Variants in NRXN3 observed in about 807,000 individuals in gnomAD.
The protein encoded by NRXN3 is neurexin III.
In NRXN3, 32 loss-of-function variants were observed where a neutral mutation model predicts 137.6. The observed-to-expected ratio is 0.23, with a 90% CI of 0.18 to 0.31. NRXN3 has a LOEUF of 0.31. Among genes scored for constraint, NRXN3 ranks in the 10% least tolerant of loss-of-function variants. The probability of loss-of-function intolerance (pLI) is 1.00; values close to 1 mark genes in which losing one functional copy is unlikely to be tolerated. For missense variants in NRXN3, 1,574 were observed against 2,062.5 expected (o/e 0.76, Z 4.59); for synonymous variants, 798 against 784.5 (o/e 1.02, Z -0.29).
intron 4 of NRXN3, among the ~76,000 whole-genome samples, chr14:78,351,783 T>TTTTC: frequency 2.0e-5 from 1 of 49,612 alleles, no homozygotes; most frequent in South Asian, 7.9e-4. Flanking sequence ...GGTATTTTTC[T>TTTTC]TTTTTTTTTT....
chr14:78,342,188 A>G (rs570895017), intron 4 of NRXN3, among the ~76,000 whole-genome samples: 100 of 152,334 alleles, frequency 6.6e-4, no homozygotes, highest in Non-Finnish European at 5.9e-5. Context: ...CTCTCAATCA[A>G]TTCCCACAAT....
intron 20 of NRXN3, among the ~76,000 whole-genome samples, chr14:79,829,648 A>G (rs1002194183): frequency 2.6e-5 from 4 of 152,118 alleles, no homozygotes; most frequent in Admixed American, 2.6e-4. Flanking sequence ...CTAGTCCCTG[A>G]ATGTGTGTGT....
At chr14:79,520,552 T>G (rs1829125447) in intron 16 of NRXN3, among the ~76,000 whole-genome samples, 1 of 152,198 alleles carries the variant, frequency 6.6e-6, no homozygotes, top group African/African-American at 2.4e-5. Flanking sequence ...TTAGTTTCTG[T>G]TCCTGTGTTA....
At chr14:79,181,651 A>G (rs1483169659) in intron 15 of NRXN3, among the ~76,000 whole-genome samples, 1 of 148,596 alleles carries the variant, frequency 6.7e-6, no homozygotes, top group Non-Finnish European at 1.5e-5. Flanking sequence ...ACTGCATTCC[A>G]GTCCTGGGCA....
At chr14:78,296,220 C>T (rs1271063801) in intron 3 of NRXN3, among the ~76,000 whole-genome samples, 2 of 152,042 alleles carry the variant, frequency 1.3e-5, no homozygotes, top group Admixed American at 1.3e-4. Flanking sequence ...CACCACCACC[C>T]ACAGTTAATT....
At chr14:78,624,405 G>A (rs962066061) in intron 4 of NRXN3, among the ~76,000 whole-genome samples, 3 of 152,224 alleles carry the variant, frequency 2.0e-5, no homozygotes, top group African/African-American at 4.8e-5. Flanking sequence ...AGCACTCGAA[G>A]CAGAACAGAG....
chr14:79,081,353 C>T (rs1385741628), intron 15 of NRXN3, among the ~76,000 whole-genome samples: 5 of 152,116 alleles, frequency 3.3e-5, no homozygotes, highest in Admixed American at 6.5e-5. Context: ...CGGTGGCTCA[C>T]GCCTGTAATC....
chr14:78,810,129 C>G (rs190332677), intron 9 of NRXN3, among the ~76,000 whole-genome samples, 189 bp from the exon 10 acceptor site: 6 of 150,310 alleles, frequency 4.0e-5, no homozygotes, highest in Non-Finnish European at 5.9e-5. Flanking sequence ...ATATATGTAT[C>G]CAACTTTACT....
chr14:78,537,366 A>G (rs1026512750), intron 4 of NRXN3, among the ~76,000 whole-genome samples: 1 of 152,200 alleles, frequency 6.6e-6, no homozygotes, highest in Admixed American at 6.5e-5. Context: ...GGTGATGATG[A>G]GCATTTTTAC....
chr14:78,491,301 G>T (rs561705381), intron 4 of NRXN3, among the ~76,000 whole-genome samples: 3 of 130,190 alleles, frequency 2.3e-5, no homozygotes, highest in African/African-American at 7.8e-5. Context: ...GGAGGGAAAA[G>T]GGATGAGATT....
intron 19 of NRXN3, among the ~76,000 whole-genome samples, chr14:79,781,529 C>T (rs981778533): frequency 6.6e-6 from 1 of 152,194 alleles, no homozygotes; most frequent in Admixed American, 6.5e-5. Flanking sequence ...GTTCTATTTT[C>T]TTCTCTGGGC....
chr14:79,229,311 A>C (rs1209988332), intron 15 of NRXN3, among the ~76,000 whole-genome samples: 1 of 152,198 alleles, frequency 6.6e-6, no homozygotes, highest in East Asian at 1.9e-4. Flanking sequence ...ATACATCTCC[A>C]AGTTGAAACA....
intron 8 of NRXN3, among the ~76,000 whole-genome samples, chr14:78,722,883 A>G (rs1405287597): frequency 1.3e-5 from 2 of 152,204 alleles, no homozygotes; most frequent in Non-Finnish European, 1.5e-5. Flanking sequence ...GACTGGTGCC[A>G]CTAGAGCTGA....
intron 15 of NRXN3, among the ~76,000 whole-genome samples, chr14:79,042,013 A>G (rs1202743299): frequency 2.0e-5 from 3 of 152,202 alleles, no homozygotes; most frequent in Non-Finnish European, 4.4e-5. Flanking sequence ...ACACAGGAAA[A>G]AGCAAAGTGG....
intron 4 of NRXN3, among the ~76,000 whole-genome samples, chr14:78,571,727 A>G (rs953605498): frequency 1.3e-5 from 2 of 152,234 alleles, no homozygotes; most frequent in Non-Finnish European, 1.5e-5. Flanking sequence ...CACAAAGTGC[A>G]CGCACATATT....
At chr14:78,493,382 G>A (rs143294602) in intron 4 of NRXN3, among the ~76,000 whole-genome samples, 2,559 of 151,486 alleles carry the variant, frequency 0.017, 61 homozygotes, top group African/African-American at 0.051. Flanking sequence ...AATTAGCCAG[G>A]CATGGTGGCA....
intron 15 of NRXN3, among the ~76,000 whole-genome samples, chr14:79,455,861 C>A (rs908385085): frequency 1.3e-5 from 2 of 151,468 alleles, no homozygotes; most frequent in African/African-American, 4.8e-5. Context: ...GGGTAAATTT[C>A]AGCTTTTATT....
intron 16 of NRXN3, among the ~76,000 whole-genome samples, chr14:79,529,827 CA>C (rs779467288): frequency 3.2e-4 from 48 of 152,090 alleles, no homozygotes; most frequent in Non-Finnish European, 5.7e-4. Context: ...TTAGTCAAAT[CA>C]AATAAAAATG....
chr14:78,422,546 G>A (rs1567546965), intron 4 of NRXN3, among the ~76,000 whole-genome samples: 1 of 152,322 alleles, frequency 6.6e-6, no homozygotes, highest in East Asian at 1.9e-4. Flanking sequence ...CAGAGTCACT[G>A]TATAATTTTT....
Sources: gnomAD v4.1 joint callset for allele counts (sites outside exome capture counted in the v4.1 genomes callset) on GRCh38, gnomAD v4.1.1 for gene constraint, MANE v1.5 for transcripts, NCBI Gene and HGNC (gene_info 2026-07-23, HGNC 2026-07-21) for gene names.